Variants in PANX2 observed in about 807,000 individuals in gnomAD.
The protein encoded by PANX2 is pannexin 2.
PANX2 carries 30 observed loss-of-function variants against 38.7 expected under a neutral mutation model. The ratio of observed to expected loss-of-function variants is 0.78; its 90% confidence interval spans 0.58 to 1.05. The LOEUF is 1.05. Among genes scored for constraint, PANX2 ranks in the 50% least tolerant of loss-of-function variants. PANX2 has a pLI of 0.00. For missense variants in PANX2, 880 were observed against 979.3 expected, an observed-to-expected ratio of 0.90 and a Z score of 1.35; for synonymous variants, 539 against 472.1, an observed-to-expected ratio of 1.14 and a Z score of -1.84.
At position 50,171,004 on chromosome 22, in the gene PANX2, C is replaced by T. The variant is rs114230638; in HGVS notation, c.226+48C>T. On this transcript the variant is annotated intron_variant, in intron 1 of 2. Transcript: ENST00000395842. ...GGGGCGCGGGCAGAGGGGGCGTCCG[C>T]AGGTGTCCGGGAGCTGGCGCTTCCC... is the stretch of plus-strand genomic sequence containing the variant. 2.6e-4 allele frequency: 287 copies of T among 1,091,670 alleles called. 1 individual carries two copies. The African/African-American group carries it at 4.4e-3, about 17-fold the overall frequency. The allele number at this position is 1,091,670 out of a possible 1,614,324, so 67.6% of individuals were successfully genotyped here.
At chr22:50,173,871 C>G (rs1190943970) in intron 1 of PANX2, among the ~76,000 whole-genome samples, 1 of 152,212 alleles carries the variant, frequency 6.6e-6, no homozygotes, top group African/African-American at 2.4e-5. Context: ...CTCCCTGACT[C>G]TGACCCTCTT....
rs772156512 is a variant in PANX2, at chr22:50,179,134, C to T, written c.1891C>T (p.Leu631=). The change falls in exon 3 of 3, where the codon CTG becomes TTG. Residue 631 remains leucine, a synonymous_variant. Transcript: ENST00000395842. ...ACACCCGCTGCTGCACATCAACACGCTGTACGAGGCCCGGGAGGAGGAGGA... is the reference window on the plus strand; with the variant it reads ...ACACCCGCTGCTGCACATCAACACGTTGTACGAGGCCCGGGAGGAGGAGGA... ...ATHPLLHINT[L]YEAREEEDGG... is the part of the protein sequence containing the mutation. 4 of 1,612,272 alleles carry T rather than the reference C, an allele frequency of 2.5e-6. No individual in the cohort carries two copies. The South Asian group carries it at 4.4e-5, about 18-fold the overall frequency.
At chr22:50,172,858 A>G (rs928234219) in intron 1 of PANX2, among the ~76,000 whole-genome samples, 8 of 145,996 alleles carry the variant, frequency 5.5e-5, no homozygotes, top group Non-Finnish European at 1.0e-4. Context: ...CTTCCCAAGT[A>G]GCTGGGACTA....
In PANX2 at chr22:50,178,389, G is replaced by C; in HGVS notation, c.1677G>C (p.Pro559=). The change falls in exon 2 of 3, where the codon CCG becomes CCC. Residue 559 remains proline, a synonymous_variant. Transcript: ENST00000395842. ...AGGACTGTGGGCTAGGCCTGGCCCC[G>C]GCGCCCATCAAAGGTAGGGGCAGGG... is the stretch of plus-strand genomic sequence containing the variant. ...QAEDCGLGLA[P]APIKDAPLPE... 7.0e-7 allele frequency: 1 copy of C among 1,425,216 alleles called. No individual in the cohort carries two copies. The highest frequency in any genetic ancestry group is 9.1e-7 in the Non-Finnish European group (1 of 1,096,588). The allele number at this position is 1,425,216 out of a possible 1,614,324, so 88.3% of individuals were successfully genotyped here.
intron 1 of PANX2, among the ~76,000 whole-genome samples, chr22:50,173,915 C>G (rs2063648576): frequency 6.6e-6 from 1 of 152,174 alleles, no homozygotes; most frequent in East Asian, 1.9e-4. Flanking sequence ...CACCAAGACC[C>G]CCAGCCTAGG....
At chr22:50,172,085 G>A (rs1472777478) in intron 1 of PANX2, among the ~76,000 whole-genome samples, 4 of 152,136 alleles carry the variant, frequency 2.6e-5, no homozygotes, top group Non-Finnish European at 5.9e-5. Context: ...CCCTGGGGTG[G>A]GCACACAGCA....
Position 50,177,220 on chromosome 22 carries a change from G to A in PANX2, c.508G>A (p.Glu170Lys), listed in dbSNP as rs1485043074. 2 of 1,610,944 alleles carry A rather than the reference G, an allele frequency of 1.2e-6. No individual in the cohort carries two copies. The highest frequency in any genetic ancestry group is 8.5e-7 in the Non-Finnish European group (1 of 1,179,072). The change falls in exon 2 of 3, where the codon GAG (glutamate) becomes AAG (lysine). Residue 170 changes from glutamate (E) to lysine (K), a missense_variant. Around this residue, in one of 4 missense-constraint regions of PANX2, gnomAD observed 243 missense variants for 333.1 expected, o/e 0.73. Coordinates refer to ENST00000395842, the MANE Select transcript of PANX2 (RefSeq NM_052839.4). ...CGACAACTGTTACCACCGGGCGGCC[G>A]AGGGCCGCGCGCCCAAGATCGAGAA... ...EIDNCYHRAA[E>K]GRAPKIEKQI...
chr22:50,174,093 CT>C (rs1172275049), intron 1 of PANX2, among the ~76,000 whole-genome samples: 1 of 152,204 alleles, frequency 6.6e-6, no homozygotes, highest in Admixed American at 6.5e-5. Flanking sequence ...CGGCTGAGGG[CT>C]TCCAGGATGT....
intron 1 of PANX2, 61 bp downstream of exon 1, chr22:50,171,017 G>A: frequency 2.2e-6 from 2 of 901,942 alleles, no homozygotes; most frequent in South Asian, 2.3e-5. Flanking sequence ...GTGTCCGGGA[G>A]CTGGCGCTTC....
At chr22:50,176,123 G>T (rs969263533) in intron 1 of PANX2, among the ~76,000 whole-genome samples, 3 of 152,222 alleles carry the variant, frequency 2.0e-5, no homozygotes, top group East Asian at 1.9e-4. Context: ...CCTGGGAAAC[G>T]TTAGCAAGAT....
intron 1 of PANX2, among the ~76,000 whole-genome samples, chr22:50,171,157 TTTA>T (rs1288283949): frequency 1.3e-5 from 2 of 152,078 alleles, no homozygotes; most frequent in Non-Finnish European, 2.9e-5. Flanking sequence ...TCGTCTCTAT[TTTA>T]TTGTTGTTCT....
chr22:50,173,175 CG>C lies in PANX2; in HGVS notation c.226+2220del, dbSNP rs1308618258. On this transcript the variant is annotated intron_variant, in intron 1 of 2. Coordinates refer to ENST00000395842, the MANE Select transcript of PANX2 (RefSeq NM_052839.4). ...CCTCCCAAAGTGCTGGGATTACAGG[CG>C]TTGAGCCACCGTGCCTGACCCATTT... Among the ~76,000 whole-genome samples the C allele has an allele frequency of 7.3e-3, 1,101 of 150,904 alleles. 13 individuals are homozygous for C. The highest frequency in any genetic ancestry group is 0.026 in the African/African-American group (1,039 of 40,642).
rs1197358759 is a variant in PANX2, at chr22:50,170,962, G to A, written c.226+6G>A. 10 of 1,469,656 alleles carry A rather than the reference G, an allele frequency of 6.8e-6. No individual in the cohort carries two copies. Among genetic ancestry groups the A allele is most frequent in the Non-Finnish European group, 9.1e-6 (10 of 1,101,354 alleles). The allele number at this position is 1,469,656 out of a possible 1,614,324, so 91.0% of individuals were successfully genotyped here. On this transcript the variant is annotated splice_donor_region_variant and intron_variant, in intron 1 of 2. Transcript: ENST00000395842. ...CTTCACCAAGAACTTCGCAGGTGAGGCCGGCGGCCGGGGCGCGGGGCGCGG... is the reference window on the plus strand; with the variant it reads ...CTTCACCAAGAACTTCGCAGGTGAGACCGGCGGCCGGGGCGCGGGGCGCGG...
rs1031143864 is a variant in PANX2, at chr22:50,180,278, ATAT to A, written c.*1006_*1008del. ...AAGGTAGCACCGAGCATATCAATAA[ATAT>A]TATTCTGATAATCACCTGTGCTCCG... On this transcript the variant is annotated 3_prime_UTR_variant, in exon 3 of 3. Coordinates refer to ENST00000395842, the MANE Select transcript of PANX2 (RefSeq NM_052839.4). 6.6e-6 allele frequency: 1 copy of A among 152,272 alleles called. No individual in the cohort carries two copies. Among genetic ancestry groups the A allele is most frequent in the African/African-American group, 2.4e-5 (1 of 41,466 alleles). The allele number at this position is 152,272 out of a possible 1,614,324, so 9.4% of individuals were successfully genotyped here.
intron 1 of PANX2, among the ~76,000 whole-genome samples, chr22:50,172,828 A>G (rs1014052246): frequency 2.6e-5 from 4 of 151,530 alleles, no homozygotes; most frequent in Non-Finnish European, 4.4e-5. Context: ...TCCCGGGTTC[A>G]AGCGATTCTC....
Position 50,177,957 on chromosome 22 carries a change from C to T in PANX2, c.1245C>T (p.Asp415=), listed in dbSNP as rs201686398. The part of the protein sequence containing the change: ...VDPSANPAEP[D]GAAEPPVVKR... ...CCAGCGCCAACCCCGCCGAGCCCGACGGCGCCGCCGAGCCGCCCGTGGTCA... is the reference window on the plus strand; with the variant it reads ...CCAGCGCCAACCCCGCCGAGCCCGATGGCGCCGCCGAGCCGCCCGTGGTCA... Residue 415 remains aspartate (D), a synonymous_variant, in exon 2 of 3, where the codon GAC becomes GAT. Transcript: ENST00000395842. The T allele has an allele frequency of 8.1e-4, 1,245 of 1,532,822 alleles. 12 individuals are homozygous for T. The African/African-American group carries it at 0.016, about 19-fold the overall frequency. 95.0% of individuals were successfully genotyped at this position (1,532,822 alleles called of 1,614,324 possible). A position where few individuals can be genotyped will look rare whatever the true frequency, so the allele number is the denominator to read the frequency against.
At position 50,177,219 on chromosome 22, in the gene PANX2, C is replaced by T. The variant is rs1280308056; in HGVS notation, c.507C>T (p.Ala169=). The change falls in exon 2 of 3, where the codon GCC becomes GCT. Residue 169 remains alanine, a synonymous_variant. Transcript: ENST00000395842. ...TCGACAACTGTTACCACCGGGCGGC[C>T]GAGGGCCGCGCGCCCAAGATCGAGA... ...QEIDNCYHRA[A]EGRAPKIEKQ... 1 of 1,610,740 alleles carries T rather than the reference C, an allele frequency of 6.2e-7. No individual in the cohort carries two copies. Among genetic ancestry groups the T allele is most frequent in the Non-Finnish European group, 8.5e-7 (1 of 1,179,016 alleles).
Position 50,179,371 on chromosome 22 carries a change from C to T in PANX2, c.*94C>T. 1 of 1,178,134 alleles carries T rather than the reference C, an allele frequency of 8.5e-7. No individual in the cohort carries two copies. Among genetic ancestry groups the T allele is most frequent in the Non-Finnish European group, 1.2e-6 (1 of 823,024 alleles). The allele number at this position is 1,178,134 out of a possible 1,614,324, so 73.0% of individuals were successfully genotyped here. On this transcript the variant is annotated 3_prime_UTR_variant, in exon 3 of 3. Transcript: ENST00000395842. ...GGACACCAGCCCTGCGTGGACGTGG[C>T]CTGTGCTTCGCCCGCACTGCGCGCA...
Position 50,179,185 on chromosome 22 carries a change from GTGGGGGACCTCATCGCCATCCCTGCC to G in PANX2, c.1943_1968del (p.Val648AlafsTer107). On this transcript the variant is annotated frameshift_variant, in exon 3 of 3. Coordinates refer to ENST00000395842, the MANE Select transcript of PANX2 (RefSeq NM_052839.4). LOFTEE classifies it high-confidence loss of function. ...CGGGGGCCCCCGCCTGCCGCAGGAC[GTGGGGGACCTCATCGCCATCCCTGCC>G]CCACAGCAGATCCTCATCGCCACCT... 1 of 1,612,700 alleles carries G rather than the reference GTGGGGGACCTCATCGCCATCCCTGCC, an allele frequency of 6.2e-7. No individual in the cohort carries two copies. Among genetic ancestry groups the G allele is most frequent in the South Asian group, 1.1e-5 (1 of 91,082 alleles).
Sources: gnomAD v4.1 joint callset for allele counts (sites outside exome capture counted in the v4.1 genomes callset) on GRCh38, gnomAD v4.1.1 for gene constraint, gnomAD v4.1.1 regional missense constraint, MANE v1.5 for transcripts, NCBI Gene and HGNC (gene_info 2026-07-23, HGNC 2026-07-21) for gene names.